The following DSCC1 variants were observed in gnomAD, a reference collection of about 807,000 sequenced individuals.
The protein encoded by DSCC1 is sister chromatid cohesion protein DCC1.
Under a neutral mutation model 48.2 loss-of-function variants are expected in DSCC1, and 32 were observed. The observed-to-expected ratio is 0.66, with a 90% CI of 0.50 to 0.89. The LOEUF (loss-of-function observed/expected upper bound fraction) is 0.89. Ranked by LOEUF, DSCC1 falls within the 40% of genes least tolerant of loss-of-function variation. The pLI is 0.00. For missense variants in DSCC1, 421 were observed against 471.7 expected (o/e 0.89, Z 1.00); for synonymous variants, 150 against 171.5 (o/e 0.87, Z 0.98).
At chr8:119,847,194 A>G in intron 3 of DSCC1, 114 bp from the exon 4 acceptor site, 1 of 789,352 alleles carries the variant, frequency 1.3e-6, no homozygotes, top group Admixed American at 2.5e-5. Flanking sequence ...TTTATGCACT[A>G]GCTCAGTTTC....
At chr8:119,838,185 C>A (rs1227419543) in intron 8 of DSCC1, 74 bp downstream of exon 8, 6 of 1,441,968 alleles carry the variant, frequency 4.2e-6, no homozygotes, top group Non-Finnish European at 5.5e-6. Flanking sequence ...GTGTTCCAAT[C>A]ATAAATCTAA....
intron 3 of DSCC1, among the ~76,000 whole-genome samples, chr8:119,848,996 A>G (rs531111928): frequency 6.6e-6 from 1 of 152,054 alleles, no homozygotes; most frequent in Admixed American, 6.6e-5. Context: ...CATCCTGGCT[A>G]ACACGGTGAA....
At chr8:119,837,592 G>A (rs990567788) in intron 8 of DSCC1, among the ~76,000 whole-genome samples, 1 of 152,218 alleles carries the variant, frequency 6.6e-6, no homozygotes, top group African/African-American at 2.4e-5. Flanking sequence ...AAGACTGGCA[G>A]CTTCATTGTG....
chr8:119,837,623 C>T (rs946027376), intron 8 of DSCC1, among the ~76,000 whole-genome samples: 7 of 152,178 alleles, frequency 4.6e-5, no homozygotes, highest in African/African-American at 1.7e-4. Context: ...AAAGTTTCAG[C>T]TGGCCACGTG....
chr8:119,835,452 A>G (rs1278314515), intron 8 of DSCC1, among the ~76,000 whole-genome samples: 1 of 152,124 alleles, frequency 6.6e-6, no homozygotes, highest in Admixed American at 6.5e-5. Context: ...GGTTGCAGTG[A>G]GCGGAGATCG....
chr8:119,845,204 G>C (rs1826838486), intron 4 of DSCC1, among the ~76,000 whole-genome samples: 1 of 151,964 alleles, frequency 6.6e-6, no homozygotes, highest in Non-Finnish European at 1.5e-5. Context: ...TCCTGCCTTA[G>C]CCTCCTGAGT....
rs1444186638 is a variant in DSCC1 at position 119,853,175 on chromosome 8, A to G, written c.223T>C (p.Cys75Arg). ...AAGTCGTATGTTTTGTCTTTACTGC[A>G]CAGCACAGCTTGCTCGTCTTTATCA... The part of the protein sequence containing the change: ...RGDKDEQAVL[C>R]SKDKTYDLKI... Residue 75 changes from cysteine to arginine, a missense_variant, in exon 2 of 9, where the codon TGC becomes CGC. By Grantham distance (180) the Cys-to-Arg change is radical. Around this residue, in one of 3 missense-constraint regions of DSCC1, gnomAD observed 174 missense variants for 184.5 expected, o/e 0.94. Transcript: ENST00000313655. 6.2e-7 allele frequency: 1 copy of G among 1,613,720 alleles called. No homozygotes were observed. The highest frequency in any genetic ancestry group is 8.5e-7 in the Non-Finnish European group (1 of 1,179,736).
Position 119,841,949 on chromosome 8 carries a change from C to G in DSCC1, c.770-1G>C. On this transcript the variant is annotated splice_acceptor_variant, in intron 6 of 8. Coordinates refer to ENST00000313655, the MANE Select transcript of DSCC1 (RefSeq NM_024094.3). LOFTEE classifies it high-confidence loss of function. ...GCATCCAACTCAAAATAAACTTCGC[C>G]TAAGGAAAAGTTATCAGATATTTTC... 6.2e-7 allele frequency: 1 copy of G among 1,613,000 alleles called. No homozygotes were observed. The highest frequency in any genetic ancestry group is 8.5e-7 in the Non-Finnish European group (1 of 1,179,218).
intron 7 of DSCC1, chr8:119,838,692 C>A (rs996190393): frequency 4.0e-6 from 1 of 253,128 alleles, no homozygotes; most frequent in Non-Finnish European, 7.4e-6. Context: ...TCCAGTGGGC[C>A]CTTTTCTTGG....
At chr8:119,845,955 A>T (rs1343255919) in intron 4 of DSCC1, among the ~76,000 whole-genome samples, 3 of 152,118 alleles carry the variant, frequency 2.0e-5, no homozygotes, top group Non-Finnish European at 2.9e-5. Flanking sequence ...TCCAAAAGAA[A>T]AAAAATTAAT....
rs893341276 is a variant in DSCC1 at position 119,838,376 on chromosome 8, G to T, written c.956C>A (p.Pro319Gln). 1 of 1,606,110 alleles carries T rather than the reference G, an allele frequency of 6.2e-7. No individual in the cohort carries two copies. The highest frequency in any genetic ancestry group is 8.5e-7 in the Non-Finnish European group (1 of 1,177,140). Reference sequence around the variant, plus strand: ...TACTTTCAGCAAAAATATGATTTCTGGTCTCGAGTGTCTATCCACCAGCGC... The same window carrying T: ...TACTTTCAGCAAAAATATGATTTCTTGTCTCGAGTGTCTATCCACCAGCGC... ...GLALVDRHSR[P>Q]EIIFLLKVDD... is the part of the protein sequence containing the mutation. Residue 319 changes from proline (P) to glutamine (Q), a missense_variant, in exon 8 of 9, where the codon CCA becomes CAA. Physicochemically the swap from Pro to Gln is moderately conservative, Grantham distance 76 (BLOSUM62 -1). This residue lies in a region of DSCC1 where 238 missense variants were observed against 259.0 expected (regional missense o/e 0.92). Coordinates refer to ENST00000313655, the MANE Select transcript of DSCC1 (RefSeq NM_024094.3).
Position 119,834,872 on chromosome 8 carries a change from GAAGAA to G in DSCC1, c.*16_*20del, listed in dbSNP as rs1826653967. ...AACTTTATAAAGCAACTTGAGTCCT[GAAGAA>G]AAGACCGTTGTTCTTTTAAGAAATG... is the stretch of plus-strand genomic sequence containing the variant. On this transcript the variant is annotated 3_prime_UTR_variant, in exon 9 of 9. Coordinates refer to ENST00000313655, the MANE Select transcript of DSCC1 (RefSeq NM_024094.3). The G allele has an allele frequency of 6.6e-7, 1 of 1,507,590 alleles. No homozygotes were observed. The highest frequency in any genetic ancestry group is 9.2e-7 in the Non-Finnish European group (1 of 1,089,178). The allele number at this position is 1,507,590 out of a possible 1,614,324, so 93.4% of individuals were successfully genotyped here. A position where few individuals can be genotyped will look rare whatever the true frequency, so the allele number is the denominator to read the frequency against.
intron 7 of DSCC1, 144 bp downstream of exon 7, chr8:119,841,650 A>C (rs922459612): frequency 3.0e-6 from 2 of 671,922 alleles, no homozygotes; most frequent in African/African-American, 3.6e-5. Flanking sequence ...GGTTTTAAGG[A>C]CTATGTGATG....
intron 6 of DSCC1, among the ~76,000 whole-genome samples, chr8:119,842,221 G>A (rs1462857508): frequency 6.6e-6 from 1 of 151,876 alleles, no homozygotes; most frequent in Non-Finnish European, 1.5e-5. Flanking sequence ...TTACAGGTGT[G>A]TGCCATCACG....
chr8:119,853,332 C>T lies in DSCC1; in HGVS notation c.183-117G>A, dbSNP rs1000188795. The T allele has an allele frequency of 7.3e-6, 8 of 1,094,394 alleles. No individual in the cohort carries two copies. In the African/African-American group the frequency reaches 1.3e-4, roughly 17 times the overall value. The allele number at this position is 1,094,394 out of a possible 1,614,324, so 67.8% of individuals were successfully genotyped here. ...AACTTAGAATTAAGTTTTGATGCTG[C>T]CTCTGCCCCCTGCTAGCACAATGCT... On this transcript the variant is annotated intron_variant, in intron 1 of 8. Coordinates refer to ENST00000313655, the MANE Select transcript of DSCC1 (RefSeq NM_024094.3).
chr8:119,838,767 T>A (rs1184037064), intron 7 of DSCC1: 1 of 157,554 alleles, frequency 6.3e-6, no homozygotes, highest in African/African-American at 2.4e-5. Flanking sequence ...AGAGTCTTGC[T>A]CTGTCACCCA....
At chr8:119,836,662 C>T (rs1826689390) in intron 8 of DSCC1, among the ~76,000 whole-genome samples, 1 of 151,916 alleles carries the variant, frequency 6.6e-6, no homozygotes, top group African/African-American at 2.4e-5. Context: ...GGATATCCAA[C>T]TGGAAAGGTA....
rs778210817 is a variant in DSCC1 at position 119,853,248 on chromosome 8, A to G, written c.183-33T>C. Reference sequence around the variant, plus strand: ...AAAATGGGGGAAAAATATATAGTTTATTGACAATCCAGTAGCCATTTTCAT... The same window carrying G: ...AAAATGGGGGAAAAATATATAGTTTGTTGACAATCCAGTAGCCATTTTCAT... On this transcript the variant is annotated intron_variant, in intron 1 of 8. Transcript: ENST00000313655. The G allele has an allele frequency of 1.9e-6, 3 of 1,575,740 alleles. No homozygotes were observed. The Admixed American group carries it at 5.3e-5, about 28-fold the overall frequency.
chr8:119,837,368 TGAG>T (rs928717926), intron 8 of DSCC1, among the ~76,000 whole-genome samples: 1 of 152,066 alleles, frequency 6.6e-6, no homozygotes, highest in African/African-American at 2.4e-5. Context: ...GGTGTACACA[TGAG>T]GAGGTTGGCC....
Sources: allele counts gnomAD v4.1 joint callset (sites outside exome capture counted in the v4.1 genomes callset), GRCh38; gene constraint gnomAD v4.1.1; regional missense constraint gnomAD v4.1.1; transcripts MANE v1.5; gene names NCBI Gene and HGNC (gene_info 2026-07-23, HGNC 2026-07-21).